The following LAMA5 variants were observed in gnomAD, a reference collection of about 807,000 sequenced individuals.
LAMA5 encodes the protein laminin subunit alpha-5.
In LAMA5, 260 loss-of-function variants were observed where a neutral mutation model predicts 433.4. The ratio of observed to expected loss-of-function variants is 0.60; its 90% CI spans 0.54 to 0.66. The LOEUF (loss-of-function observed/expected upper bound fraction) is 0.66, where lower values mean the gene tolerates loss of function less well. LAMA5 is among the 30% of genes least tolerant of loss of function. LAMA5 has a pLI of 0.00. For synonymous variants in LAMA5, 2,620 were observed against 2,226.6 expected, an observed-to-expected ratio of 1.18 and a Z score of -4.97; for missense variants, 5,378 against 5,258.5, an observed-to-expected ratio of 1.02 and a Z score of -0.70.
chr20:62,319,920 C>T (rs1383749911), intron 50 of LAMA5, 125 bp from the exon 51 acceptor site: 1 of 585,088 alleles, frequency 1.7e-6, no homozygotes, highest in Non-Finnish European at 3.0e-6. Flanking sequence ...CTATTTAACT[C>T]TCTTATCTGA....
At chr20:62,362,330 T>G (rs377360528) in intron 2 of LAMA5, 70 bp downstream of exon 2, 5 of 1,350,806 alleles carry the variant, frequency 3.7e-6, no homozygotes. Context: ...TCTGGTCCTG[T>G]GGCCCAAGGT....
At chr20:62,319,557 C>T (rs1054507628) in intron 51 of LAMA5, 127 bp downstream of exon 51, 33 of 660,452 alleles carry the variant, frequency 5.0e-5, no homozygotes, top group Admixed American at 2.3e-4. Context: ...ACTCCAGAGG[C>T]GTCGTCTCCC....
chr20:62,328,142 C>G (rs921841121), intron 35 of LAMA5, 99 bp downstream of exon 35: 58 of 1,509,120 alleles, frequency 3.8e-5, no homozygotes, highest in Middle Eastern at 4.4e-4. Flanking sequence ...ACCCAGGGAG[C>G]ACAAATGGGA....
intron 28 of LAMA5, among the ~76,000 whole-genome samples, chr20:62,332,127 G>A (rs2146196652): frequency 6.6e-6 from 1 of 152,280 alleles, no homozygotes; most frequent in East Asian, 1.9e-4. Context: ...GCTGCCCTGG[G>A]GCCAGGGAGC....
At chr20:62,354,070 A>C in intron 2 of LAMA5, among the ~76,000 whole-genome samples, 1 of 151,650 alleles carries the variant, frequency 6.6e-6, no homozygotes, top group Non-Finnish European at 1.5e-5. Context: ...CCCCAGCCCC[A>C]CCTTGGCTCT....
At chr20:62,363,811 A>C (rs1986424533) in intron 1 of LAMA5, among the ~76,000 whole-genome samples, 1 of 151,850 alleles carries the variant, frequency 6.6e-6, no homozygotes. Flanking sequence ...CAGAGGGCCC[A>C]ACCCCCTCGC....
chr20:62,333,282 C>G, intron 25 of LAMA5, 39 bp from the exon 26 acceptor site: 4 of 1,580,364 alleles, frequency 2.5e-6, no homozygotes, highest in Non-Finnish European at 3.4e-6. Context: ...CAGGTCCACC[C>G]AGGTCCCCAG....
intron 28 of LAMA5, 87 bp downstream of exon 28, chr20:62,332,285 C>T: frequency 1.0e-6 from 1 of 961,856 alleles, no homozygotes; most frequent in Non-Finnish European, 1.7e-6. Flanking sequence ...GGACCTGGGA[C>T]CCCAACTGTC....
chr20:62,340,106 G>A (rs1022172851), intron 11 of LAMA5, among the ~76,000 whole-genome samples: 10 of 152,044 alleles, frequency 6.6e-5, no homozygotes, highest in East Asian at 3.9e-4. Context: ...CAGCAGAAAC[G>A]AATCTCTAGG....
intron 51 of LAMA5, 135 bp from the exon 52 acceptor site, chr20:62,319,148 G>T: frequency 1.1e-6 from 1 of 903,568 alleles, no homozygotes; most frequent in African/African-American, 1.7e-5. Context: ...CACCTGGGTG[G>T]CCCCTAGAGC....
chr20:62,332,128 G>A (rs766598214), intron 28 of LAMA5, among the ~76,000 whole-genome samples: 1 of 152,182 alleles, frequency 6.6e-6, no homozygotes, highest in African/African-American at 2.4e-5. Flanking sequence ...CTGCCCTGGG[G>A]CCAGGGAGCT....
intron 6 of LAMA5, among the ~76,000 whole-genome samples, chr20:62,349,385 T>C (rs1293164506): frequency 6.7e-6 from 1 of 150,034 alleles, no homozygotes; most frequent in Non-Finnish European, 1.5e-5. Flanking sequence ...TAAAAAGTCC[T>C]GGAGAAGAAG....
chr20:62,354,145 G>A (rs965200422), intron 2 of LAMA5, among the ~76,000 whole-genome samples: 1 of 152,036 alleles, frequency 6.6e-6, no homozygotes, highest in African/African-American at 2.4e-5. Context: ...TCTGTGCCTC[G>A]GGGCTGGGGG....
rs770411597 is a variant in LAMA5 at position 62,313,229 on chromosome 20, C to T, written c.8814G>A (p.Pro2938=). ...CCAGGTAGGAGCCGTCCGTGAGCCA[C>T]GGGTCCCCGGTCGACTTGGAGCTGC... ...PCARSKSTGD[P]WLTDGSYLDG... is the part of the protein sequence containing the mutation. Residue 2938 remains proline (P), a synonymous_variant, in exon 65 of 80, where the codon CCG becomes CCA. Coordinates refer to ENST00000252999, the MANE Select transcript of LAMA5 (RefSeq NM_005560.6). 12 of 1,273,144 alleles carry T rather than the reference C, an allele frequency of 9.4e-6. No individual in the cohort carries two copies. In the Admixed American group the frequency reaches 1.6e-4, roughly 17 times the overall value. 78.9% of individuals were successfully genotyped at this position (1,273,144 alleles called of 1,614,324 possible).
chr20:62,318,913 C>G lies in LAMA5; in HGVS notation c.6972G>C (p.Trp2324Cys). 6.2e-7 allele frequency: 1 copy of G among 1,603,582 alleles called. No homozygotes were observed. Among genetic ancestry groups the G allele is most frequent in the Non-Finnish European group, 8.5e-7 (1 of 1,177,376 alleles). The change falls in exon 52 of 80, where the codon TGG becomes TGC. Residue 2324 changes from tryptophan to cysteine, a missense_variant. By Grantham distance (215) the Trp-to-Cys change is radical. Transcript: ENST00000252999. ...RTLAEVERLL[W>C]EMRARDLGAP... is the part of the protein sequence containing the mutation. ...CCCCCAGGTCCCGGGCCCGCATCTC[C>G]CAGAGCAGCCGCTCCACCTCGGCCA...
chr20:62,321,644 G>C (rs1987795907), intron 48 of LAMA5, among the ~76,000 whole-genome samples: 1 of 95,512 alleles, frequency 1.0e-5, no homozygotes, highest in Admixed American at 1.0e-4. Context: ...GGTGCAGCCA[G>C]TGGAAGAGGT....
rs1365706090 is a variant in LAMA5, at chr20:62,348,645, A to T, written c.957-1617T>A. 2.6e-5 allele frequency among the ~76,000 whole-genome samples: 4 copies of T among 152,076 alleles called. No individual in the cohort carries two copies. In the East Asian group the frequency reaches 7.7e-4, roughly 29 times the overall value. On this transcript the variant is annotated intron_variant, in intron 6 of 79. Coordinates refer to ENST00000252999, the MANE Select transcript of LAMA5 (RefSeq NM_005560.6). ...ATAAAATAAAAAAGAAATCTAAAACATAATAATAAAAAAAATAACACTATG... is the reference window on the plus strand; with the variant it reads ...ATAAAATAAAAAAGAAATCTAAAACTTAATAATAAAAAAAATAACACTATG...
intron 26 of LAMA5, 40 bp from the exon 27 acceptor site, chr20:62,332,757 C>A (rs143451047): frequency 6.3e-7 from 1 of 1,597,368 alleles, no homozygotes; most frequent in South Asian, 1.1e-5. Flanking sequence ...CGCCACCCCT[C>A]GCCCTTCCCA....
chr20:62,312,031 G>A lies in LAMA5; in HGVS notation c.9524C>T (p.Ser3175Phe), dbSNP rs772698717. The A allele has an allele frequency of 1.9e-6, 3 of 1,612,522 alleles. No homozygotes were observed. Among genetic ancestry groups the A allele is most frequent in the South Asian group, 2.2e-5 (2 of 91,086 alleles). Residue 3175 changes from serine to phenylalanine, a missense_variant, in exon 70 of 80, where the codon TCC becomes TTC. Transcript: ENST00000252999. ...RASPDGLCQVSLQQGRVSLQL... is the reference protein window; with the variant it reads ...RASPDGLCQVFLQQGRVSLQL... ...TAGGCTCACACGGCCCTGCTGCAGG[G>A]ACACCTGGCATAGCCCATCCTGGGG...
Sources: gnomAD v4.1 joint callset for allele counts (sites outside exome capture counted in the v4.1 genomes callset) on GRCh38, gnomAD v4.1.1 for gene constraint, MANE v1.5 for transcripts, NCBI Gene and HGNC (gene_info 2026-07-23, HGNC 2026-07-21) for gene names.